ST7: variants seen among roughly 807,000 people sequenced by gnomAD.
The protein encoded by ST7 is suppressor of tumorigenicity 7 protein.
ST7 carries 28 observed loss-of-function variants against 78.7 expected under a neutral mutation model. The observed-to-expected ratio is 0.36, with a 90% CI of 0.26 to 0.49. ST7 has a LOEUF of 0.49. Among genes scored for constraint, ST7 ranks in the 20% least tolerant of loss-of-function variants. The pLI is 0.99. For synonymous variants in ST7, 247 were observed against 249.6 expected (o/e 0.99, Z 0.10); for missense variants, 418 against 696.0 (o/e 0.60, Z 4.49).
At chr7:117,114,536 G>A (rs575526135) in intron 2 of ST7, among the ~76,000 whole-genome samples, 29 of 152,092 alleles carry the variant, frequency 1.9e-4, no homozygotes, top group Non-Finnish European at 4.1e-4. Context: ...TGCCATCACT[G>A]TATCTATCCT....
chr7:117,126,928 T>C (rs1458639886), intron 3 of ST7, among the ~76,000 whole-genome samples: 1 of 151,986 alleles, frequency 6.6e-6, no homozygotes, highest in African/African-American at 2.4e-5. Flanking sequence ...TTGAATTTCA[T>C]TCTTGCATGT....
At chr7:117,222,876 T>C (rs1048366543) in intron 15 of ST7, 1 of 1,614,146 alleles carries the variant, frequency 6.2e-7, no homozygotes, top group Non-Finnish European at 8.5e-7. Flanking sequence ...TGACATTTTC[T>C]GCTCGGCAGA....
intron 1 of ST7, among the ~76,000 whole-genome samples, chr7:117,096,152 G>A (rs1801026984): frequency 6.7e-6 from 1 of 148,250 alleles, no homozygotes; most frequent in South Asian, 2.1e-4. Flanking sequence ...ACAGTTTTCT[G>A]GTCCAATTTT....
intron 1 of ST7, among the ~76,000 whole-genome samples, chr7:117,058,731 T>A (rs1175976315): frequency 6.6e-6 from 1 of 152,188 alleles, no homozygotes; most frequent in Non-Finnish European, 1.5e-5. Context: ...AAATAGCAGA[T>A]ATACTGCACT....
At chr7:117,037,342 A>G (rs1238038964) in intron 1 of ST7, among the ~76,000 whole-genome samples, 1 of 152,212 alleles carries the variant, frequency 6.6e-6, no homozygotes, top group Non-Finnish European at 1.5e-5. Context: ...GATGCCATTT[A>G]AAGAAAGAAG....
At chr7:117,018,330 A>G (rs1285452733) in intron 1 of ST7, among the ~76,000 whole-genome samples, 2 of 152,128 alleles carry the variant, frequency 1.3e-5, no homozygotes, top group Non-Finnish European at 2.9e-5. Flanking sequence ...GAACTGTATT[A>G]TCCTTTCCCA....
intron 1 of ST7, chr7:116,968,407 T>C (rs776662468): frequency 2.2e-6 from 1 of 450,692 alleles, no homozygotes; most frequent in South Asian, 1.6e-5. Flanking sequence ...AGTGTCTTAC[T>C]ATGTTGACCG....
At chr7:117,059,546 T>C (rs1182276936) in intron 1 of ST7, among the ~76,000 whole-genome samples, 1 of 152,124 alleles carries the variant, frequency 6.6e-6, no homozygotes, top group Non-Finnish European at 1.5e-5. Context: ...TATGGATATA[T>C]ATGAAATTCC....
chr7:116,972,808 A>C, intron 1 of ST7: 1 of 988,848 alleles, frequency 1.0e-6, no homozygotes, highest in East Asian at 2.4e-5. Flanking sequence ...TTCTCCCTCA[A>C]CTTCTCACTG....
At chr7:117,112,901 C>A (rs1330409877) in intron 2 of ST7, among the ~76,000 whole-genome samples, 1 of 152,196 alleles carries the variant, frequency 6.6e-6, no homozygotes, top group Admixed American at 6.5e-5. Flanking sequence ...TTCTTGTGTT[C>A]ACCACGGAAG....
chr7:117,130,421 C>T, intron 4 of ST7, 70 bp from the exon 5 acceptor site: 1 of 1,126,152 alleles, frequency 8.9e-7, no homozygotes, highest in East Asian at 2.5e-5. Context: ...AACGCCTCTG[C>T]AGCTTAATAT....
intron 10 of ST7, among the ~76,000 whole-genome samples, chr7:117,179,600 T>G (rs1808593072): frequency 6.6e-6 from 1 of 151,808 alleles, no homozygotes; most frequent in Admixed American, 6.6e-5. Flanking sequence ...GAGGCACAAT[T>G]GGCATGGCTT....
At chr7:117,193,868 C>G (rs1042771271) in intron 12 of ST7, among the ~76,000 whole-genome samples, 3 of 152,208 alleles carry the variant, frequency 2.0e-5, no homozygotes, top group Non-Finnish European at 4.4e-5. Flanking sequence ...GACTTCCTTG[C>G]ATTTCCAGCT....
intron 1 of ST7, among the ~76,000 whole-genome samples, chr7:117,038,402 A>G (rs764555524): frequency 2.0e-5 from 3 of 152,158 alleles, no homozygotes; most frequent in Non-Finnish European, 4.4e-5. Flanking sequence ...AACATGTCAG[A>G]GTTCATTTTC....
intron 13 of ST7, among the ~76,000 whole-genome samples, chr7:117,211,679 A>C (rs536320812): frequency 6.6e-6 from 1 of 152,036 alleles, no homozygotes; most frequent in Admixed American, 6.5e-5. Context: ...TCACCATAGA[A>C]AAATGGCATC....
intron 9 of ST7, among the ~76,000 whole-genome samples, chr7:117,153,049 A>T (rs1021320724): frequency 6.6e-6 from 1 of 152,152 alleles, no homozygotes; most frequent in African/African-American, 2.4e-5. Flanking sequence ...GAGATTTAAG[A>T]GGTAGAGTTG....
At chr7:117,211,252 C>T (rs930126606) in intron 13 of ST7, among the ~76,000 whole-genome samples, 6 of 152,192 alleles carry the variant, frequency 3.9e-5, no homozygotes, top group African/African-American at 1.4e-4. Flanking sequence ...AGTGCCTCCG[C>T]CCCTCCTCAG....
chr7:116,964,800 T>C (rs1793018806), intron 1 of ST7, among the ~76,000 whole-genome samples: 1 of 152,310 alleles, frequency 6.6e-6, no homozygotes, highest in Admixed American at 6.5e-5. Context: ...TGCTGCCCAA[T>C]CGTTCTTTCC....
At chr7:117,210,340 A>T (rs922236251) in intron 13 of ST7, among the ~76,000 whole-genome samples, 1 of 152,206 alleles carries the variant, frequency 6.6e-6, no homozygotes, top group Admixed American at 6.5e-5. Flanking sequence ...TAAGAGCCAC[A>T]GTTATCCTCC....
Sources: gnomAD v4.1 joint callset for allele counts (sites outside exome capture counted in the v4.1 genomes callset) on GRCh38, gnomAD v4.1.1 for gene constraint, MANE v1.5 for transcripts, NCBI Gene and HGNC (gene_info 2026-07-23, HGNC 2026-07-21) for gene names.